Variants in BICC1 observed in about 807,000 individuals in gnomAD.
BICC1 encodes the protein protein bicaudal C homolog 1.
In BICC1, 43 loss-of-function variants were observed where a neutral mutation model predicts 111.0. The ratio of observed to expected loss-of-function variants is 0.39; its 90% CI spans 0.30 to 0.50. The LOEUF is 0.50. BICC1 is among the 20% of genes least tolerant of loss of function. The pLI, the probability that BICC1 is intolerant of heterozygous loss-of-function variation, is 0.88. For missense variants in BICC1, 1,091 were observed against 1,203.2 expected (o/e 0.91, Z 1.38); for synonymous variants, 467 against 434.4 (o/e 1.07, Z -0.93).
chr10:58,779,864 C>T (rs1335850607), intron 3 of BICC1, among the ~76,000 whole-genome samples: 2 of 152,176 alleles, frequency 1.3e-5, no homozygotes, highest in African/African-American at 4.8e-5. Flanking sequence ...CTTGAGAAGC[C>T]TGGGGCTTTT....
At chr10:58,649,972 A>G (rs1445859552) in intron 2 of BICC1, 1 of 152,198 alleles carries the variant, frequency 6.6e-6, no homozygotes, top group Admixed American at 6.5e-5. Flanking sequence ...ATATAACCGT[A>G]AGAAATATAT....
intron 3 of BICC1, among the ~76,000 whole-genome samples, chr10:58,768,539 T>C (rs368029296): frequency 6.6e-6 from 1 of 152,172 alleles, no homozygotes; most frequent in East Asian, 1.9e-4. Context: ...AAAATAAATA[T>C]GTAGGCAAAT....
chr10:58,747,567 AAACT>A, intron 3 of BICC1, among the ~76,000 whole-genome samples: 1 of 152,276 alleles, frequency 6.6e-6, no homozygotes, highest in Middle Eastern at 3.4e-3. Flanking sequence ...TGATTAAATC[AAACT>A]AACATGTCTA....
intron 1 of BICC1, among the ~76,000 whole-genome samples, chr10:58,523,617 G>A (rs1371961521): frequency 6.6e-6 from 1 of 152,126 alleles, no homozygotes; most frequent in African/African-American, 2.4e-5. Context: ...GGCAAAAACT[G>A]GAAGCATTCC....
intron 1 of BICC1, among the ~76,000 whole-genome samples, chr10:58,557,523 A>T (rs1843486843): frequency 6.6e-6 from 1 of 151,992 alleles, no homozygotes; most frequent in Admixed American, 6.6e-5. Context: ...TCCACAGCTT[A>T]TTGATGTTCT....
intron 1 of BICC1, among the ~76,000 whole-genome samples, chr10:58,606,916 A>G (rs566961973): frequency 5.3e-5 from 8 of 152,188 alleles, no homozygotes; most frequent in South Asian, 4.1e-4. Flanking sequence ...TTAAAAAGCT[A>G]TTTCCTCCTA....
intron 2 of BICC1, among the ~76,000 whole-genome samples, chr10:58,681,573 C>T (rs1839521841): frequency 1.3e-5 from 2 of 152,130 alleles, no homozygotes; most frequent in South Asian, 4.1e-4. Flanking sequence ...ATTAGTTCAG[C>T]CATTGTGGAA....
chr10:58,729,019 A>G (rs191139823), intron 3 of BICC1, among the ~76,000 whole-genome samples: 1 of 152,304 alleles, frequency 6.6e-6, no homozygotes, highest in Non-Finnish European at 1.5e-5. Flanking sequence ...TAGATTTAGC[A>G]TAATTCTTGA....
At chr10:58,669,615 C>T (rs1002043084) in intron 2 of BICC1, among the ~76,000 whole-genome samples, 2 of 151,972 alleles carry the variant, frequency 1.3e-5, no homozygotes, top group African/African-American at 4.8e-5. Context: ...TGCAAAAATA[C>T]GTTGAGTAAC....
chr10:58,567,338 A>AT (rs1045440351), intron 1 of BICC1, among the ~76,000 whole-genome samples: 5 of 151,948 alleles, frequency 3.3e-5, no homozygotes, highest in African/African-American at 4.8e-5. Context: ...TATTTGGATG[A>AT]TTTTTTCTCC....
chr10:58,623,591 T>G (rs1845894670), intron 2 of BICC1, among the ~76,000 whole-genome samples: 1 of 152,206 alleles, frequency 6.6e-6, no homozygotes, highest in Non-Finnish European at 1.5e-5. Flanking sequence ...TTATGTAACG[T>G]TCTAAGGAGA....
Position 58,583,968 on chromosome 10 carries a change from A to T in BICC1, c.191-36887A>T, listed in dbSNP as rs573683620. Among the ~76,000 whole-genome samples the T allele has an allele frequency of 4.6e-5, 7 of 151,912 alleles. No homozygotes were observed. The South Asian group carries it at 1.5e-3, about 32-fold the overall frequency. ...TAGGCATGAGCCACTGCACCTGGCC[A>T]CTTTTTCTTCATAGCTATTGTTATG... On this transcript the variant is annotated intron_variant, in intron 1 of 20. Coordinates refer to ENST00000373886, the MANE Select transcript of BICC1 (RefSeq NM_001080512.3).
At chr10:58,599,442 T>C (rs1844950054) in intron 1 of BICC1, among the ~76,000 whole-genome samples, 1 of 151,952 alleles carries the variant, frequency 6.6e-6, no homozygotes, top group South Asian at 2.1e-4. Flanking sequence ...TAAGTGGGAG[T>C]TGGACAGTGA....
intron 3 of BICC1, among the ~76,000 whole-genome samples, chr10:58,760,490 C>T (rs1444276647): frequency 6.6e-6 from 1 of 152,120 alleles, no homozygotes; most frequent in Non-Finnish European, 1.5e-5. Flanking sequence ...GTATTTAATA[C>T]AGAGGAATTT....
chr10:58,611,942 T>TATTTATTTTTG (rs938053556), intron 1 of BICC1, among the ~76,000 whole-genome samples: 5 of 152,198 alleles, frequency 3.3e-5, no homozygotes, highest in African/African-American at 1.2e-4. Context: ...AGAAAAATTA[T>TATTTATTTTTG]ATTTATTTTT....
At chr10:58,733,952 TTCTAA>T (rs1299634594) in intron 3 of BICC1, among the ~76,000 whole-genome samples, 3 of 152,224 alleles carry the variant, frequency 2.0e-5, no homozygotes, top group African/African-American at 7.2e-5. Context: ...CATCTCAGAT[TTCTAA>T]TCTGTTAAAT....
intron 1 of BICC1, among the ~76,000 whole-genome samples, chr10:58,554,435 A>G (rs1843384994): frequency 6.6e-6 from 1 of 152,194 alleles, no homozygotes; most frequent in Non-Finnish European, 1.5e-5. Context: ...TTTTATAAAG[A>G]GCCTACAATA....
intron 1 of BICC1, among the ~76,000 whole-genome samples, chr10:58,519,425 C>T (rs1201353614): frequency 2.6e-5 from 4 of 152,080 alleles, no homozygotes; most frequent in Non-Finnish European, 5.9e-5. Flanking sequence ...AGAATGGATG[C>T]TGAATGTTTT....
chr10:58,524,676 A>G (rs1029317999), intron 1 of BICC1, among the ~76,000 whole-genome samples: 2 of 151,916 alleles, frequency 1.3e-5, no homozygotes, highest in Admixed American at 1.3e-4. Flanking sequence ...CTAAAACACC[A>G]AAAGCAATGG....
Sources: gnomAD v4.1 joint callset for allele counts (sites outside exome capture counted in the v4.1 genomes callset) on GRCh38, gnomAD v4.1.1 for gene constraint, MANE v1.5 for transcripts, NCBI Gene and HGNC (gene_info 2026-07-23, HGNC 2026-07-21) for gene names.